ADRA1B: variants seen among roughly 807,000 people sequenced by gnomAD.
ADRA1B encodes alpha-1B adrenergic receptor.
Under a neutral mutation model 17.9 loss-of-function variants are expected in ADRA1B, and 17 were observed. The observed-to-expected ratio is 0.95, with a 90% CI of 0.65 to 1.42. ADRA1B has a LOEUF of 1.42. Ranked by LOEUF, ADRA1B falls within the 40% of genes most tolerant of loss-of-function variation. The pLI is 0.00. For missense variants in ADRA1B, 681 were observed against 722.1 expected (o/e 0.94, Z 0.65); for synonymous variants, 366 against 327.6 (o/e 1.12, Z -1.27).
chr5:159,923,621 G>T (rs1031056286), intron 1 of ADRA1B, among the ~76,000 whole-genome samples: 7 of 152,264 alleles, frequency 4.6e-5, no homozygotes, highest in Non-Finnish European at 8.8e-5. Flanking sequence ...TACATCATGC[G>T]AGGAACAATC....
intron 1 of ADRA1B, among the ~76,000 whole-genome samples, chr5:159,899,259 G>GAAGAAAGGAAGGAAGGAAGGAAGA (rs1754070351): frequency 7.3e-6 from 1 of 136,162 alleles, no homozygotes; most frequent in Non-Finnish European, 1.6e-5. Flanking sequence ...AGGAAGGAAG[G>GAAGAAAGGAAGGAAGGAAGGAAGA]AAGAAAGGAA....
upstream of ADRA1B, among the ~76,000 whole-genome samples, chr5:159,915,616 AC>A (rs1425475118): frequency 1.3e-5 from 2 of 151,372 alleles, no homozygotes; most frequent in Non-Finnish European, 2.9e-5. Context: ...GACCTCCCTC[AC>A]CCCCACTCCC....
chr5:159,971,411 T>C (rs1227867367), intron 1 of ADRA1B, among the ~76,000 whole-genome samples: 1 of 152,224 alleles, frequency 6.6e-6, no homozygotes, highest in East Asian at 1.9e-4. Context: ...TTTAAAACGT[T>C]ACCTTTCACA....
At chr5:159,951,393 G>T (rs1247852738) in intron 1 of ADRA1B, 11 of 860,560 alleles carry the variant, frequency 1.3e-5, no homozygotes, top group Non-Finnish European at 2.2e-5. Flanking sequence ...GTCAATGAAG[G>T]GTCATTAATG....
chr5:159,871,442 C>CTAAAAACCA (rs1336605482), intron 1 of ADRA1B: 1 of 152,144 alleles, frequency 6.6e-6, no homozygotes, highest in Non-Finnish European at 1.5e-5. Context: ...ATCAAGGGGT[C>CTAAAAACCA]AGCAGGGCCA....
chr5:159,903,546 C>T (rs1229584713), intron 1 of ADRA1B, among the ~76,000 whole-genome samples: 2 of 152,206 alleles, frequency 1.3e-5, no homozygotes, highest in Non-Finnish European at 2.9e-5. Context: ...GGTTAAGTGA[C>T]TTGCTCAAAG....
intron 1 of ADRA1B, among the ~76,000 whole-genome samples, chr5:159,900,050 C>T (rs1002442652): frequency 1.3e-5 from 2 of 152,206 alleles, no homozygotes; most frequent in African/African-American, 2.4e-5. Context: ...AATTCTCATA[C>T]GTGCTGAATC....
At chr5:159,871,773 A>C (rs1753744527) in intron 1 of ADRA1B, among the ~76,000 whole-genome samples, 1 of 152,232 alleles carries the variant, frequency 6.6e-6, no homozygotes, top group Non-Finnish European at 1.5e-5. Context: ...TCTAAGAAAG[A>C]GAATTTTAAA....
intron 1 of ADRA1B, among the ~76,000 whole-genome samples, chr5:159,921,603 A>G (rs1754483655): frequency 6.6e-6 from 1 of 152,176 alleles, no homozygotes; most frequent in Admixed American, 6.5e-5. Context: ...TTTAGAAAAC[A>G]CTGGAACCTT....
chr5:159,985,828 C>T, the ADRA1B span, among the ~76,000 whole-genome samples: 1 of 152,222 alleles, frequency 6.6e-6, no homozygotes, highest in African/African-American at 2.4e-5. Flanking sequence ...GAGGAGCATT[C>T]TGCTTGGAAC....
At chr5:159,936,964 C>T (rs72810104) in intron 1 of ADRA1B, among the ~76,000 whole-genome samples, 8,231 of 152,230 alleles carry the variant, frequency 0.054, 302 homozygotes, top group East Asian at 0.14. Context: ...GGGTCCTCAG[C>T]GCAGCAGCAT....
chr5:159,927,526 T>C (rs946445817), intron 1 of ADRA1B, among the ~76,000 whole-genome samples: 5 of 152,122 alleles, frequency 3.3e-5, no homozygotes, highest in Admixed American at 3.3e-4. Flanking sequence ...AAAATACAGG[T>C]GCCCCAGCTT....
chr5:159,915,171 CG>C (rs1292365509), upstream of ADRA1B, among the ~76,000 whole-genome samples: 34 of 152,264 alleles, frequency 2.2e-4, no homozygotes, highest in East Asian at 1.9e-3. Flanking sequence ...TACCTTGCCC[CG>C]GGGGAAAAGT....
intron 1 of ADRA1B, among the ~76,000 whole-genome samples, chr5:159,923,999 A>G (rs1052588057): frequency 6.6e-6 from 1 of 152,278 alleles, no homozygotes; most frequent in Non-Finnish European, 1.5e-5. Context: ...AGTAAATGGT[A>G]GAGTCTATCA....
At chr5:159,867,762 A>C (rs1285848677) in intron 1 of ADRA1B, 1 of 152,194 alleles carries the variant, frequency 6.6e-6, no homozygotes, top group Non-Finnish European at 1.5e-5. Context: ...ATGATGACAG[A>C]TGTCAGAGAG....
intron 1 of ADRA1B, among the ~76,000 whole-genome samples, chr5:159,904,360 C>A (rs758094947): frequency 2.6e-5 from 4 of 152,182 alleles, no homozygotes; most frequent in Non-Finnish European, 1.5e-5. Flanking sequence ...CCTATGAAGG[C>A]ACAGCACATG....
At chr5:159,928,623 A>G (rs560578742) in intron 1 of ADRA1B, among the ~76,000 whole-genome samples, 2 of 152,244 alleles carry the variant, frequency 1.3e-5, no homozygotes, top group East Asian at 3.9e-4. Context: ...GTTGGGATGA[A>G]TTTGGGGCTT....
chr5:159,974,046 A>G (rs1310863297), downstream of ADRA1B, among the ~76,000 whole-genome samples: 1 of 152,166 alleles, frequency 6.6e-6, no homozygotes, highest in African/African-American at 2.4e-5. Flanking sequence ...CACATCGATC[A>G]TTCATTCTGT....
intron 1 of ADRA1B, among the ~76,000 whole-genome samples, chr5:159,965,946 T>G (rs748012291): frequency 8.7e-4 from 133 of 152,194 alleles, no homozygotes; most frequent in Non-Finnish European, 1.0e-3. Context: ...GGCTAATTTG[T>G]GTATGTTTAG....
Sources: allele counts gnomAD v4.1 joint callset (sites outside exome capture counted in the v4.1 genomes callset), GRCh38; gene constraint gnomAD v4.1.1; transcripts MANE v1.5; gene names NCBI Gene and HGNC (gene_info 2026-07-23, HGNC 2026-07-21).